The following CASP10 variants were observed in gnomAD, a reference collection of about 807,000 sequenced individuals.
CASP10 encodes caspase-10.
In CASP10, 41 loss-of-function variants were observed where a neutral mutation model predicts 48.5. The ratio of observed to expected loss-of-function variants is 0.85; its 90% confidence interval spans 0.66 to 1.10. The LOEUF is 1.10. CASP10 is among the 50% of genes least tolerant of loss of function. CASP10 has a pLI of 0.00. For missense variants in CASP10, 614 were observed against 614.5 expected, an observed-to-expected ratio of 1.00 and a Z score of 0.01; for synonymous variants, 232 against 238.4, an observed-to-expected ratio of 0.97 and a Z score of 0.25.
chr2:201,223,307 C>T (rs769405754), downstream of CASP10, among the ~76,000 whole-genome samples: 3 of 152,192 alleles, frequency 2.0e-5, no homozygotes, highest in South Asian at 2.1e-4. Flanking sequence ...CCTCCTCCAC[C>T]GTCCCTCACC....
chr2:201,188,109 A>G (rs2126009126), intron 3 of CASP10, among the ~76,000 whole-genome samples: 1 of 152,340 alleles, frequency 6.6e-6, no homozygotes, highest in Admixed American at 6.5e-5. Flanking sequence ...ATGAAGCATT[A>G]GCATGAGGCC....
At chr2:201,190,877 T>A (rs961620232) in intron 3 of CASP10, among the ~76,000 whole-genome samples, 10 of 149,818 alleles carry the variant, frequency 6.7e-5, no homozygotes, top group East Asian at 1.9e-4. Context: ...TATTATTATT[T>A]TTAGACAGAG....
chr2:201,199,763 T>C (rs952703818), intron 5 of CASP10, among the ~76,000 whole-genome samples: 5 of 151,880 alleles, frequency 3.3e-5, no homozygotes, highest in Admixed American at 2.6e-4. Context: ...TTAGTAGAGA[T>C]GGCATTTCAC....
In CASP10 at chr2:201,209,077, G is replaced by T. The variant is rs149096064; in HGVS notation, c.930G>T (p.Leu310=). Residue 310 remains leucine, a synonymous_variant, in exon 9 of 10, where the codon CTG becomes CTT. Transcript: ENST00000286186. The part of the protein sequence containing the change: ...RQGTHKDAEI[L]SHVFQWLGFT... The stretch of plus-strand genomic sequence containing the variant: ...TTTTTTGTTTTTAAACAGAGATCCT[G>T]AGTCATGTGTTCCAGTGGCTTGGGT... 467 of 1,576,362 alleles carry T rather than the reference G, an allele frequency of 3.0e-4. No homozygotes were observed. Among genetic ancestry groups the T allele is most frequent in the Non-Finnish European group, 3.7e-4 (432 of 1,159,606 alleles).
intron 2 of CASP10, 54 bp downstream of exon 2, chr2:201,186,178 T>G: frequency 7.5e-7 from 1 of 1,339,560 alleles, no homozygotes. Flanking sequence ...GTGTTCATTC[T>G]GGCCATTGGG....
intron 1 of CASP10, among the ~76,000 whole-genome samples, chr2:201,183,938 C>G (rs928780321): frequency 1.3e-5 from 2 of 152,076 alleles, no homozygotes; most frequent in Non-Finnish European, 2.9e-5. Flanking sequence ...CTCCAGCACT[C>G]AAGCTGGAGT....
chr2:201,195,213 T>A (rs1306698142), intron 4 of CASP10, among the ~76,000 whole-genome samples: 1 of 152,068 alleles, frequency 6.6e-6, no homozygotes, highest in African/African-American at 2.4e-5. Context: ...TGCCTCAGCC[T>A]CCTGAGTAGC....
rs1265794846 is a variant in CASP10 at position 201,219,305 on chromosome 2, G to A, written c.*1564G>A. The A allele has an allele frequency of 1.8e-5, 7 of 380,624 alleles. No individual in the cohort carries two copies. Among genetic ancestry groups the A allele is most frequent in the Non-Finnish European group, 2.5e-5 (7 of 277,574 alleles). The allele number at this position is 380,624 out of a possible 1,614,324, so 23.6% of individuals were successfully genotyped here. A position where few individuals can be genotyped will look rare whatever the true frequency, so the allele number is the denominator to read the frequency against. ...TCAATATTGGGGTTGGAACATTTCA[G>A]TTGCCATTGACAGAACACCCAATTC... On this transcript the variant is annotated 3_prime_UTR_variant, in exon 10 of 10. Coordinates refer to ENST00000286186, the MANE Select transcript of CASP10 (RefSeq NM_032977.4).
intron 4 of CASP10, chr2:201,193,370 GC>G (rs1223657715): frequency 8.0e-6 from 3 of 376,670 alleles, no homozygotes; most frequent in Non-Finnish European, 1.5e-5. Context: ...ACCACGCCTG[GC>G]TAATTTTTGT....
exon 10 of CASP10, chr2:201,229,247 C>G: frequency 1.4e-6 from 1 of 738,428 alleles, no homozygotes; most frequent in Non-Finnish European, 2.3e-6. Context: ...CTTACTGTTT[C>G]ACGTGTACCT....
chr2:201,188,470 G>A (rs1386914513), intron 3 of CASP10, among the ~76,000 whole-genome samples: 9 of 152,112 alleles, frequency 5.9e-5, no homozygotes, highest in Non-Finnish European at 1.0e-4. Flanking sequence ...GTGAGTCACC[G>A]CACCTGGCCT....
At chr2:201,197,096 A>C (rs966139598) in intron 5 of CASP10, among the ~76,000 whole-genome samples, 12 of 151,366 alleles carry the variant, frequency 7.9e-5, no homozygotes, top group Non-Finnish European at 1.6e-4. Context: ...AGATTTTTGG[A>C]AACTGAATTT....
chr2:201,224,813 C>CT (rs530705105), downstream of CASP10, among the ~76,000 whole-genome samples: 65 of 152,098 alleles, frequency 4.3e-4, no homozygotes, highest in East Asian at 0.011. Flanking sequence ...TATTTGATAA[C>CT]TTTTTTCTGA....
At chr2:201,189,209 C>G (rs1287277983) in intron 3 of CASP10, among the ~76,000 whole-genome samples, 2 of 151,916 alleles carry the variant, frequency 1.3e-5, no homozygotes, top group African/African-American at 2.4e-5. Flanking sequence ...TCCCTTCATC[C>G]ATTATTTGGT....
intron 5 of CASP10, among the ~76,000 whole-genome samples, chr2:201,196,188 C>T (rs1232058564): frequency 3.3e-5 from 5 of 152,144 alleles, no homozygotes; most frequent in East Asian, 3.9e-4. Flanking sequence ...TTTGAGTTCT[C>T]GCTAGTTAGT....
At position 201,200,593 on chromosome 2, in the gene CASP10, T is replaced by TC. The variant is rs1373440417; in HGVS notation, c.685-3137_685-3136insC. On this transcript the variant is annotated intron_variant, in intron 5 of 9. Transcript: ENST00000286186. ...ACACAGAGCCGGGAGAGGCCTGCTC[T>TC]TCGGCTCTGCCCTGAACCTCATTCG... 4.4e-5 allele frequency: 69 copies of TC among 1,556,440 alleles called. 2 individuals carry two copies. Among genetic ancestry groups the TC allele is most frequent in the South Asian group, 4.4e-4 (38 of 86,604 alleles).
In CASP10 at chr2:201,209,825, C is replaced by G. The variant is rs12620959; in HGVS notation, c.1415+263C>G. On this transcript the variant is annotated intron_variant, in intron 9 of 9. Coordinates refer to ENST00000286186, the MANE Select transcript of CASP10 (RefSeq NM_032977.4). Reference sequence around the variant, plus strand: ...CATCCAGCAACCTTGTATTGAGTACCAGCCTGGACCTGGAAAGGAAGATAC... The same window carrying G: ...CATCCAGCAACCTTGTATTGAGTACGAGCCTGGACCTGGAAAGGAAGATAC... Among the ~76,000 whole-genome samples the G allele has an allele frequency of 7.2e-5, 11 of 152,126 alleles. No individual in the cohort carries two copies. In the East Asian group the frequency reaches 2.1e-3, roughly 30 times the overall value.
chr2:201,200,412 A>C, intron 5 of CASP10: 1 of 1,591,728 alleles, frequency 6.3e-7, no homozygotes, highest in Non-Finnish European at 8.5e-7. Context: ...TCAGCATTCT[A>C]CTGTAAAGAA....
chr2:201,198,144 A>G (rs148616416), intron 5 of CASP10, among the ~76,000 whole-genome samples: 34 of 151,482 alleles, frequency 2.2e-4, no homozygotes, highest in African/African-American at 8.2e-4. Context: ...GGCGATTTGT[A>G]TATCTTCTTT....
Sources: gnomAD v4.1 joint callset for allele counts (sites outside exome capture counted in the v4.1 genomes callset) on GRCh38, gnomAD v4.1.1 for gene constraint, MANE v1.5 for transcripts, NCBI Gene and HGNC (gene_info 2026-07-23, HGNC 2026-07-21) for gene names.